Variants in RB1CC1 observed in about 807,000 individuals in gnomAD.
RB1CC1 encodes RB1 inducible coiled-coil 1, also known as RB1-inducible coiled-coil protein 1.
A neutral mutation model predicts 177.5 loss-of-function variants in RB1CC1; 46 were observed. That is an observed-to-expected ratio of 0.26 (90% CI 0.20 to 0.33). RB1CC1 has a LOEUF of 0.33. RB1CC1 is among the 10% of genes least tolerant of loss of function. The pLI is 1.00. For synonymous variants in RB1CC1, 666 were observed against 613.6 expected (o/e 1.09, Z -1.26); for missense variants, 1,703 against 1,816.3 (o/e 0.94, Z 1.13).
At chr8:52,640,799 T>G (rs371372875) in intron 18 of RB1CC1, among the ~76,000 whole-genome samples, 7 of 152,306 alleles carry the variant, frequency 4.6e-5, no homozygotes, top group African/African-American at 1.7e-4. Flanking sequence ...ACTTTTTTTG[T>G]TCTATTTTAT....
chr8:52,676,236 A>G, intron 6 of RB1CC1, 133 bp downstream of exon 6: 1 of 749,888 alleles, frequency 1.3e-6, no homozygotes, highest in Non-Finnish European at 2.1e-6. Flanking sequence ...TCACTATCAG[A>G]AAAGGCTCAA....
intron 21 of RB1CC1, among the ~76,000 whole-genome samples, chr8:52,629,022 CTA>C (rs1367488042): frequency 6.6e-6 from 1 of 152,156 alleles, no homozygotes; most frequent in Non-Finnish European, 1.5e-5. Context: ...AATGGGGCCT[CTA>C]TGAGGCAGTA....
At chr8:52,625,164 C>CAAA (rs1848294163) in intron 22 of RB1CC1, among the ~76,000 whole-genome samples, 1 of 152,090 alleles carries the variant, frequency 6.6e-6, no homozygotes, top group African/African-American at 2.4e-5. Flanking sequence ...TTTCTTTAAG[C>CAAA]AAACAAAATG....
In RB1CC1 at chr8:52,630,703, TTTGGTTA is replaced by T. The variant is rs577683047; in HGVS notation, c.4441-182_4441-176del. On this transcript the variant is annotated intron_variant, in intron 20 of 23. Transcript: ENST00000025008. ...TTCCTTTATTTCAACCATTAGTAAATTTGGTTAGATTAAAAACTGATTTTTGAATCAC... is the reference window on the plus strand; with the variant it reads ...TTCCTTTATTTCAACCATTAGTAAATGATTAAAAACTGATTTTTGAATCAC... Among the ~76,000 whole-genome samples, 441 of 152,296 alleles carry T rather than the reference TTTGGTTA, an allele frequency of 2.9e-3. 2 individuals carry two copies. Among genetic ancestry groups the T allele is most frequent in the Non-Finnish European group, 4.3e-3 (295 of 68,014 alleles).
chr8:52,628,933 G>C (rs905221520), intron 21 of RB1CC1, among the ~76,000 whole-genome samples: 4 of 152,150 alleles, frequency 2.6e-5, no homozygotes, highest in African/African-American at 9.7e-5. Context: ...CAAATACTTA[G>C]TGATTACCTA....
chr8:52,630,699 T>A (rs1055695625), intron 20 of RB1CC1, among the ~76,000 whole-genome samples, 171 bp from the exon 21 acceptor site: 1 of 152,166 alleles, frequency 6.6e-6, no homozygotes, highest in Non-Finnish European at 1.5e-5. Context: ...CAACCATTAG[T>A]AAATTTGGTT....
At chr8:52,708,385 C>T (rs1302777881) in intron 1 of RB1CC1, among the ~76,000 whole-genome samples, 1 of 152,066 alleles carries the variant, frequency 6.6e-6, no homozygotes, top group African/African-American at 2.4e-5. Flanking sequence ...GGCATGGTGG[C>T]GGATGCCTGT....
chr8:52,623,549 G>T lies in RB1CC1; in HGVS notation c.*233C>A. On this transcript the variant is annotated 3_prime_UTR_variant, in exon 24 of 24. Transcript: ENST00000025008. ...TTGGTCCGCATTTCTAGAGTTGTCTGGGTAAAAAAAAAAACCAAAAAACAA... is the reference window on the plus strand; with the variant it reads ...TTGGTCCGCATTTCTAGAGTTGTCTTGGTAAAAAAAAAAACCAAAAAACAA... 2.0e-6 allele frequency: 1 copy of T among 508,562 alleles called. No individual in the cohort carries two copies. Among genetic ancestry groups the T allele is most frequent in the Admixed American group, 2.8e-5 (1 of 35,172 alleles). The allele number at this position is 508,562 out of a possible 1,614,324, so 31.5% of individuals were successfully genotyped here.
chr8:52,670,284 T>C (rs976792123), intron 7 of RB1CC1, among the ~76,000 whole-genome samples: 1 of 152,222 alleles, frequency 6.6e-6, no homozygotes, highest in Admixed American at 6.5e-5. Flanking sequence ...TGTTCACAGA[T>C]AATAAAAATC....
intron 5 of RB1CC1, 30 bp from the exon 6 acceptor site, chr8:52,676,601 AAAAG>A: frequency 6.4e-7 from 1 of 1,568,902 alleles, no homozygotes. Context: ...AAAAGAAAGT[AAAAG>A]AAGGCAATGG....
chr8:52,673,954 T>C lies in RB1CC1; in HGVS notation c.893A>G (p.Asp298Gly), dbSNP rs761846537. 6.2e-7 allele frequency: 1 copy of C among 1,614,138 alleles called. No homozygotes were observed. The highest frequency in any genetic ancestry group is 8.5e-7 in the Non-Finnish European group (1 of 1,179,988). ...GACATTAAAAAAGGGCAGATCACCA[T>C]CTTTAGTGTCAATCGTAGTTTCATC... ...QQDETTIDTK[D>G]GDLPFFNVSL... Residue 298 changes from aspartate to glycine, a missense_variant, in exon 7 of 24, where the codon GAT (aspartate) becomes GGT (glycine). Transcript: ENST00000025008.
At position 52,649,049 on chromosome 8, in the gene RB1CC1, C is replaced by A. The variant is rs550921578; in HGVS notation, c.3822-3182G>T. 2.0e-3 allele frequency among the ~76,000 whole-genome samples: 298 copies of A among 152,260 alleles called. 1 individual carries two copies. The highest frequency in any genetic ancestry group is 6.8e-3 in the African/African-American group (282 of 41,562). On this transcript the variant is annotated intron_variant, in intron 15 of 23. Transcript: ENST00000025008. The stretch of plus-strand genomic sequence containing the variant: ...ACTCAAAACAGTGTCCAATTTAAAA[C>A]TCAGGAATTGTTTATTTCATTTAAT...
At chr8:52,661,029 T>C (rs984257222) in intron 10 of RB1CC1, 22 bp from the exon 11 acceptor site, 2 of 1,611,680 alleles carry the variant, frequency 1.2e-6, no homozygotes, top group Non-Finnish European at 1.7e-6. Flanking sequence ...AAGCTTATGT[T>C]AAACATAAAC....
rs753795644 is a variant in RB1CC1, at chr8:52,623,733, G to T, written c.*49C>A. 7.2e-6 allele frequency: 10 copies of T among 1,397,636 alleles called. No homozygotes were observed. Among genetic ancestry groups the T allele is most frequent in the Admixed American group, 1.7e-5 (1 of 58,826 alleles). 86.6% of individuals were successfully genotyped at this position (1,397,636 alleles called of 1,614,324 possible). A position where few individuals can be genotyped will look rare whatever the true frequency, so the allele number is the denominator to read the frequency against. Reference sequence around the variant, plus strand: ...TTTGGAGTGATGAATGAGCACTGCAGGACAAATCAGAAAAAAATGTCATAG... The same window carrying T: ...TTTGGAGTGATGAATGAGCACTGCATGACAAATCAGAAAAAAATGTCATAG... On this transcript the variant is annotated 3_prime_UTR_variant, in exon 24 of 24. Transcript: ENST00000025008.
intron 20 of RB1CC1, among the ~76,000 whole-genome samples, chr8:52,633,339 G>T (rs1563351026): frequency 6.6e-6 from 1 of 152,168 alleles, no homozygotes; most frequent in Non-Finnish European, 1.5e-5. Context: ...CATTCTAGAT[G>T]CTAAGAATGT....
chr8:52,663,559 T>G (rs1851810005), intron 8 of RB1CC1, among the ~76,000 whole-genome samples: 1 of 152,174 alleles, frequency 6.6e-6, no homozygotes, highest in Non-Finnish European at 1.5e-5. Context: ...GTAGCTAGAA[T>G]GTATTATACT....
chr8:52,649,619 G>C (rs1438923570), intron 15 of RB1CC1, among the ~76,000 whole-genome samples: 1 of 152,214 alleles, frequency 6.6e-6, no homozygotes, highest in Admixed American at 6.5e-5. Flanking sequence ...CTGGGCAACA[G>C]AGTGAGACTC....
At position 52,714,245 on chromosome 8, in the gene RB1CC1, AGGAG is replaced by A; in HGVS notation, c.-341_-338del. ...CCCGCCCGCCGCGGCCCCGAACTCT[AGGAG>A]GCAGGGAGGGGTCCGGGCGGACAAG... is the stretch of plus-strand genomic sequence containing the variant. On this transcript the variant is annotated 5_prime_UTR_variant, in exon 1 of 24. Coordinates refer to ENST00000025008, the MANE Select transcript of RB1CC1 (RefSeq NM_014781.5). The A allele has an allele frequency of 4.6e-6, 1 of 217,842 alleles. No individual in the cohort carries two copies. Among genetic ancestry groups the A allele is most frequent in the Non-Finnish European group, 9.7e-6 (1 of 103,626 alleles). 13.5% of individuals were successfully genotyped at this position (217,842 alleles called of 1,614,324 possible).
At chr8:52,706,143 T>TA (rs34153328) in intron 1 of RB1CC1, among the ~76,000 whole-genome samples, 67,994 of 147,424 alleles carry the variant, frequency 0.46, 16,326 homozygotes, top group East Asian at 0.83. Flanking sequence ...ACATATCCAT[T>TA]AAAAAAAAAA....
Sources: allele counts gnomAD v4.1 joint callset (sites outside exome capture counted in the v4.1 genomes callset), GRCh38; gene constraint gnomAD v4.1.1; transcripts MANE v1.5; gene names NCBI Gene and HGNC (gene_info 2026-07-23, HGNC 2026-07-21).